PTPRF: variants seen among roughly 807,000 people sequenced by gnomAD.
PTPRF encodes receptor-type tyrosine-protein phosphatase F.
PTPRF carries 59 observed loss-of-function variants against 201.8 expected under a neutral mutation model. The observed-to-expected ratio is 0.29, with a 90% confidence interval of 0.24 to 0.36. PTPRF has a LOEUF of 0.36. Ranked by LOEUF, PTPRF falls within the 10% of genes least tolerant of loss-of-function variation. PTPRF has a pLI of 1.00. For missense variants in PTPRF, 2,132 were observed against 2,690.5 expected, an observed-to-expected ratio of 0.79 and a Z score of 4.59; for synonymous variants, 1,088 against 1,089.7, an observed-to-expected ratio of 1.00 and a Z score of 0.03.
chr1:43,594,925 G>A (rs1401176262), intron 11 of PTPRF, among the ~76,000 whole-genome samples: 3 of 152,168 alleles, frequency 2.0e-5, no homozygotes, highest in Non-Finnish European at 2.9e-5. Flanking sequence ...GGAGGGGAGC[G>A]ACTTGGAGGT....
chr1:43,565,305 T>C (rs1646084674), intron 5 of PTPRF, among the ~76,000 whole-genome samples: 1 of 152,154 alleles, frequency 6.6e-6, no homozygotes, highest in Non-Finnish European at 1.5e-5. Context: ...GGGCTTGTCA[T>C]CGTCTTCTGC....
At chr1:43,602,594 G>A (rs1355056200) in intron 14 of PTPRF, among the ~76,000 whole-genome samples, 1 of 150,486 alleles carries the variant, frequency 6.6e-6, no homozygotes, top group African/African-American at 2.4e-5. Flanking sequence ...GGGATACCAG[G>A]GTTGATGACG....
rs1442951572 is a variant in PTPRF, at chr1:43,603,161, GTTC to G, written c.2341-252_2341-250del. On this transcript the variant is annotated intron_variant, in intron 14 of 33. Transcript: ENST00000359947. The surrounding 1 kb of genome is among the most constrained non-coding windows in gnomAD (Gnocchi z 5.8). ...AGTGAGGGAAACAGTCTGGCCCTTT[GTTC>G]TTGTCTGAAAAGAATAATGAGCTGT... Among the ~76,000 whole-genome samples the G allele has an allele frequency of 6.6e-6, 1 of 152,158 alleles. No homozygotes were observed.
Position 43,603,401 on chromosome 1 carries a change from C to T in PTPRF, c.2341-15C>T, listed in dbSNP as rs372657182. 2.4e-5 allele frequency: 39 copies of T among 1,609,886 alleles called. No individual in the cohort carries two copies. The highest frequency in any genetic ancestry group is 1.2e-4 in the Admixed American group (7 of 60,006). On this transcript the variant is annotated splice_polypyrimidine_tract_variant and intron_variant, in intron 14 of 33. Transcript: ENST00000359947. The surrounding 1 kb of genome is among the most constrained non-coding windows in gnomAD (Gnocchi z 5.8). Reference sequence around the variant, plus strand: ...GCATTCTTGTGATGGGAACGAACCCCTCCTCCTCCCTCAGGAAACCACTAT... The same window carrying T: ...GCATTCTTGTGATGGGAACGAACCCTTCCTCCTCCCTCAGGAAACCACTAT...
At position 43,598,234 on chromosome 1, in the gene PTPRF, T is replaced by C. The variant is rs1042326316; in HGVS notation, c.2119+181T>C. 6.5e-6 allele frequency: 4 copies of C among 614,852 alleles called. No individual in the cohort carries two copies. In the African/African-American group the frequency reaches 7.5e-5, roughly 12 times the overall value. The allele number at this position is 614,852 out of a possible 1,614,324, so 38.1% of individuals were successfully genotyped here. ...ATAACTGAGGCCCAAATCCCAGCCT[T>C]TGGGGCTGTCTCCAAAGCAGCTGAA... On this transcript the variant is annotated intron_variant, in intron 12 of 33. Coordinates refer to ENST00000359947, the MANE Select transcript of PTPRF (RefSeq NM_002840.5).
intron 13 of PTPRF, among the ~76,000 whole-genome samples, chr1:43,600,528 G>T (rs546855606): frequency 6.6e-6 from 1 of 151,538 alleles, no homozygotes; most frequent in Non-Finnish European, 1.5e-5. Flanking sequence ...GGTCCCGAGC[G>T]TGGCCACAGG....
At chr1:43,599,397 C>T (rs1001665726) in intron 13 of PTPRF, among the ~76,000 whole-genome samples, 1 of 152,156 alleles carries the variant, frequency 6.6e-6, no homozygotes, top group South Asian at 2.1e-4. Flanking sequence ...TTGAGATGTG[C>T]CTTTCCCCTA....
chr1:43,524,538 G>A (rs1643042193), upstream of PTPRF, among the ~76,000 whole-genome samples: 2 of 152,146 alleles, frequency 1.3e-5, no homozygotes, highest in Admixed American at 1.3e-4. Context: ...AGAAATGGAG[G>A]AGAAAGTAAG....
intron 11 of PTPRF, among the ~76,000 whole-genome samples, chr1:43,596,545 C>G (rs866080813): frequency 1.5e-4 from 23 of 152,284 alleles, no homozygotes; most frequent in Middle Eastern, 3.4e-3. Flanking sequence ...GTGAGGGCAC[C>G]TCTGTTGGTG....
At chr1:43,555,693 C>T (rs754503643) in intron 5 of PTPRF, among the ~76,000 whole-genome samples, 1 of 152,144 alleles carries the variant, frequency 6.6e-6, no homozygotes, top group Non-Finnish European at 1.5e-5. Context: ...ATCCGCCCAC[C>T]TTGGCCTCCC....
At chr1:43,559,276 C>T (rs1206707826) in intron 5 of PTPRF, among the ~76,000 whole-genome samples, 1 of 152,002 alleles carries the variant, frequency 6.6e-6, no homozygotes, top group African/African-American at 2.4e-5. Context: ...GGGGAAGGGG[C>T]AGTGTGTGCA....
intron 5 of PTPRF, among the ~76,000 whole-genome samples, chr1:43,558,854 ATTCACCTGGGGCCGCAGAT>A (rs1394018805): frequency 1.3e-5 from 2 of 152,034 alleles, no homozygotes; most frequent in Non-Finnish European, 2.9e-5. Flanking sequence ...TAAGTCATGG[ATTCACCTGGGGCCGCAGAT>A]TTCAGGCCTG....
rs968889104 is a variant in PTPRF, at chr1:43,536,581, C to T, written c.-125-1617C>T. ...CTGCCTTGGACTCTGCCCCTCTGCC[C>T]AGGGTCTCTGCACAATGGTGCAGCC... On this transcript the variant is annotated intron_variant, in intron 1 of 33. Coordinates refer to ENST00000359947, the MANE Select transcript of PTPRF (RefSeq NM_002840.5). Among the ~76,000 whole-genome samples the T allele has an allele frequency of 2.0e-5, 3 of 152,218 alleles. No homozygotes were observed. In the East Asian group the frequency reaches 5.8e-4, roughly 29 times the overall value.
rs1651116894 is a variant in PTPRF at position 43,592,610 on chromosome 1, C to T, written c.1813+9C>T. On this transcript the variant is annotated intron_variant, in intron 11 of 33. Transcript: ENST00000359947. ...CCGCACAGCCCAGTCCAGTAAGTGT[C>T]TCCCAAGTCCGCTGCCTGTTACACC... 1 of 1,572,702 alleles carries T rather than the reference C, an allele frequency of 6.4e-7. No homozygotes were observed. Among genetic ancestry groups the T allele is most frequent in the South Asian group, 1.2e-5 (1 of 86,298 alleles).
At chr1:43,587,480 G>A (rs548127557) in intron 7 of PTPRF, among the ~76,000 whole-genome samples, 15 of 152,346 alleles carry the variant, frequency 9.8e-5, no homozygotes, top group Non-Finnish European at 1.5e-4. Context: ...CCCCTGTATG[G>A]TGAGGTCAGA....
chr1:43,591,740 C>T (rs1450067481), intron 9 of PTPRF, 72 bp from the exon 10 acceptor site: 14 of 1,576,254 alleles, frequency 8.9e-6, no homozygotes, highest in East Asian at 2.3e-5. Context: ...CTGACTTCCT[C>T]GGCTCCCTCC....
intron 5 of PTPRF, among the ~76,000 whole-genome samples, chr1:43,558,928 G>A (rs1645592366): frequency 6.6e-6 from 1 of 152,212 alleles, no homozygotes; most frequent in Non-Finnish European, 1.5e-5. Context: ...GACATTCAGT[G>A]GTGTGGGGAG....
intron 16 of PTPRF, among the ~76,000 whole-genome samples, chr1:43,604,699 G>A (rs1260512053): frequency 6.6e-6 from 1 of 152,198 alleles, no homozygotes; most frequent in African/African-American, 2.4e-5. Flanking sequence ...CCTGTTTGGT[G>A]CTCACTGTGG....
At chr1:43,613,451 C>T (rs1190704854) in intron 22 of PTPRF, 167 bp from the exon 23 acceptor site, 17 of 653,536 alleles carry the variant, frequency 2.6e-5, no homozygotes, top group Admixed American at 4.3e-5. Context: ...TCCTCTCCCA[C>T]CCTCCGCCAT....
Sources: gnomAD v4.1 joint callset for allele counts (sites outside exome capture counted in the v4.1 genomes callset) on GRCh38, gnomAD v4.1.1 for gene constraint, Gnocchi (gnomAD v3.1) non-coding constraint, MANE v1.5 for transcripts, NCBI Gene and HGNC (gene_info 2026-07-23, HGNC 2026-07-21) for gene names.